The following CFAP65 variants were observed in gnomAD, a reference collection of about 807,000 sequenced individuals.
CFAP65 encodes cilia- and flagella-associated protein 65.
CFAP65 carries 155 observed loss-of-function variants against 208.0 expected under a neutral mutation model. That is an observed-to-expected ratio of 0.75 (90% CI 0.65 to 0.85). The LOEUF (loss-of-function observed/expected upper bound fraction) is 0.85, where lower values mean the gene tolerates loss of function less well. Ranked by LOEUF, CFAP65 falls within the 40% of genes least tolerant of loss-of-function variation. The pLI, the probability that CFAP65 is intolerant of heterozygous loss-of-function variation, is 0.00. For synonymous variants in CFAP65, 970 were observed against 986.3 expected (o/e 0.98, Z 0.31); for missense variants, 2,294 against 2,451.3 (o/e 0.94, Z 1.36).
At chr2:219,006,638 T>C in intron 29 of CFAP65, 129 bp from the exon 30 acceptor site, 5 of 837,602 alleles carry the variant, frequency 6.0e-6, no homozygotes, top group Non-Finnish European at 9.9e-6. Context: ...GTTTGAGACC[T>C]GCCTGGCCAA....
intron 3 of CFAP65, 41 bp from the exon 4 acceptor site, chr2:219,038,619 G>T (rs112353063): frequency 2.6e-6 from 4 of 1,552,914 alleles, no homozygotes; most frequent in Non-Finnish European, 3.5e-6. Context: ...GGAGTGACAT[G>T]AGAAAGAGAG....
chr2:219,035,242 ACTTC>A (rs1219989119), intron 5 of CFAP65: 2 of 1,367,260 alleles, frequency 1.5e-6, no homozygotes, highest in Non-Finnish European at 1.9e-6. Context: ...AACAGCCCAA[ACTTC>A]CTTCATTCTG....
At chr2:219,034,271 G>A (rs1020668829) in intron 5 of CFAP65, 8 of 152,162 alleles carry the variant, frequency 5.3e-5, no homozygotes, top group African/African-American at 1.7e-4. Flanking sequence ...GAATATTTAT[G>A]TAAGAGATCA....
chr2:219,009,442 T>A lies in CFAP65; in HGVS notation c.4471A>T (p.Ile1491Leu). The change falls in exon 28 of 35, where the codon ATA becomes TTA. Residue 1491 changes from isoleucine to leucine, a missense_variant. By Grantham distance (5) the Ile-to-Leu change is conservative. Transcript: ENST00000341552. Reference sequence around the variant, plus strand: ...GTCTCTTCAGGAGCCACCACCCCTATCATGGGACTCACAGACACCTGTTGA... The same window carrying A: ...GTCTCTTCAGGAGCCACCACCCCTAACATGGGACTCACAGACACCTGTTGA... ...DFGEVSVSPM[I>L]GVVAPEETVP... 1 of 1,612,078 alleles carries A rather than the reference T, an allele frequency of 6.2e-7. No homozygotes were observed. The highest frequency in any genetic ancestry group is 1.1e-5 in the South Asian group (1 of 91,060).
chr2:219,014,082 C>A, intron 21 of CFAP65, 38 bp from the exon 22 acceptor site: 1 of 1,549,272 alleles, frequency 6.5e-7, no homozygotes, highest in South Asian at 1.2e-5. Flanking sequence ...AGAAACTGGT[C>A]AGGCAGAACA....
At chr2:219,010,116 A>G (rs773444301) in intron 26 of CFAP65, 31 bp from the exon 27 acceptor site, 6 of 1,552,830 alleles carry the variant, frequency 3.9e-6, no homozygotes, top group Admixed American at 1.9e-5. Context: ...TAAAGAAATA[A>G]GAACCGGCCA....
chr2:219,031,411 G>A lies in CFAP65; in HGVS notation c.815+78C>T. 6.2e-7 allele frequency: 1 copy of A among 1,610,492 alleles called. No homozygotes were observed. The highest frequency in any genetic ancestry group is 8.5e-7 in the Non-Finnish European group (1 of 1,177,710). ...CTCAGACTACCCTACCCCGACAAGG[G>A]TATGCCTGTCTCTCCTGCTTCCAGA... On this transcript the variant is annotated intron_variant, in intron 7 of 34. Transcript: ENST00000341552. The surrounding 1 kb of genome is among the most constrained non-coding windows in gnomAD (Gnocchi z 5.2).
intron 19 of CFAP65, 53 bp from the exon 20 acceptor site, chr2:219,019,772 G>C: frequency 6.6e-7 from 1 of 1,514,690 alleles, no homozygotes. Flanking sequence ...ACCTTCCCTG[G>C]AGGGGGCATG....
In CFAP65 at chr2:219,023,210, T is replaced by A; in HGVS notation, c.2817A>T (p.Arg939Ser). 6.2e-7 allele frequency: 1 copy of A among 1,611,128 alleles called. No individual in the cohort carries two copies. Among genetic ancestry groups the A allele is most frequent in the East Asian group, 2.2e-5 (1 of 44,854 alleles). Residue 939 changes from arginine to serine, a missense_variant, in exon 16 of 35, where the codon AGA (arginine) becomes AGT (serine). By Grantham distance (110) the Arg-to-Ser change is moderately radical. Coordinates refer to ENST00000341552, the MANE Select transcript of CFAP65 (RefSeq NM_194302.4). ...PSRGLIQPNE[R>S]LTLTWTFSPL... The stretch of plus-strand genomic sequence containing the variant: ...CGGCAGGAGGGGAGCCACTCACAAG[T>A]CTCTCGTTGGGCTGGATTAGCCCCC...
intron 15 of CFAP65, 151 bp downstream of exon 15, chr2:219,023,864 A>G: frequency 1.0e-6 from 1 of 974,146 alleles, no homozygotes. Flanking sequence ...AGAAGTGGTC[A>G]AGCAGGTTCT....
At chr2:219,036,319 C>T (rs1163622213) in intron 4 of CFAP65, among the ~76,000 whole-genome samples, 1 of 152,168 alleles carries the variant, frequency 6.6e-6, no homozygotes, top group Non-Finnish European at 1.5e-5. Context: ...TCCATCACCC[C>T]TTTCTAGATG....
rs1397868263 is a variant in CFAP65 at position 219,041,485 on chromosome 2, T to C, written c.-49+3A>G. On this transcript the variant is annotated splice_donor_region_variant and intron_variant, in intron 1 of 34. Transcript: ENST00000341552. ...GACCTTGGGACTAACGCTCAGAACT[T>C]ACATCGCCTCCATATTGCCGTCTCC... is the stretch of plus-strand genomic sequence containing the variant. 3 of 1,550,526 alleles carry C rather than the reference T, an allele frequency of 1.9e-6. No individual in the cohort carries two copies. Among genetic ancestry groups the C allele is most frequent in the Non-Finnish European group, 2.6e-6 (3 of 1,146,982 alleles).
Position 219,027,839 on chromosome 2 carries a change from CA to C in CFAP65, c.2021del (p.Leu674ArgfsTer3). The stretch of plus-strand genomic sequence containing the variant: ...TGCCCTTGGTGTGGTTCATCAGGCA[CA>C]GGGGTACAGGGTTGGGGGCCTCAGG... ...PGPEAPNPVP[L>X]CLMNHTKGKI... is the part of the protein sequence containing the mutation. On this transcript the variant is annotated frameshift_variant, in exon 13 of 35. Coordinates refer to ENST00000341552, the MANE Select transcript of CFAP65 (RefSeq NM_194302.4). LOFTEE classifies it high-confidence loss of function. 6.3e-7 allele frequency: 1 copy of C among 1,596,730 alleles called. No homozygotes were observed. Among genetic ancestry groups the C allele is most frequent in the Non-Finnish European group, 8.6e-7 (1 of 1,169,586 alleles).
intron 4 of CFAP65, among the ~76,000 whole-genome samples, 196 bp downstream of exon 4, chr2:219,038,179 C>T (rs1283196201): frequency 1.3e-5 from 2 of 152,108 alleles, no homozygotes; most frequent in African/African-American, 4.8e-5. Context: ...TGAGTGTGTT[C>T]GATGGCCAAT....
At chr2:219,022,667 C>T (rs957909144) in intron 16 of CFAP65, among the ~76,000 whole-genome samples, 2 of 152,224 alleles carry the variant, frequency 1.3e-5, no homozygotes, top group African/African-American at 2.4e-5. Context: ...GCCTCTTGTC[C>T]CCCCGAGGGG....
chr2:219,004,060 G>A lies in CFAP65; in HGVS notation c.5447C>T (p.Pro1816Leu), dbSNP rs956133675. The A allele has an allele frequency of 1.2e-6, 2 of 1,613,828 alleles. No individual in the cohort carries two copies. The highest frequency in any genetic ancestry group is 1.7e-6 in the Non-Finnish European group (2 of 1,180,018). ...CTCCTGGGACTCAGGCTGTGGTGTG[G>A]GCCCGATGCCCGCCCAGCTCACTTT... ...EEKVSWAGIG[P>L]TPQPESQESM... Residue 1816 changes from proline to leucine, a missense_variant, in exon 33 of 35, where the codon CCC becomes CTC. Pro to Leu is a moderately conservative substitution (Grantham distance 98). This residue lies in a region of CFAP65 where 1,427 missense variants were observed against 1,438.7 expected (regional missense o/e 0.99). Coordinates refer to ENST00000341552, the MANE Select transcript of CFAP65 (RefSeq NM_194302.4). This position sits in a 1 kb window ranked among gnomAD's most constrained non-coding sequence, Gnocchi z 4.7.
intron 4 of CFAP65, among the ~76,000 whole-genome samples, chr2:219,037,249 G>A (rs1056862388): frequency 2.6e-5 from 4 of 152,088 alleles, no homozygotes; most frequent in Non-Finnish European, 4.4e-5. Context: ...AAAATTAGCC[G>A]GGCATGGTAG....
rs1947990505 is a variant in CFAP65, at chr2:219,031,084, A to G, written c.1015+22T>C. Reference sequence around the variant, plus strand: ...AGGTGCAGGAGGGGCCAGTCTGGGGACGGTGGGAGGTTGGGCCTCACCCAC... The same window carrying G: ...AGGTGCAGGAGGGGCCAGTCTGGGGGCGGTGGGAGGTTGGGCCTCACCCAC... On this transcript the variant is annotated intron_variant, in intron 8 of 34. Transcript: ENST00000341552. This position sits in a 1 kb window ranked among gnomAD's most constrained non-coding sequence, Gnocchi z 5.2. 6.4e-7 allele frequency: 1 copy of G among 1,565,354 alleles called. No individual in the cohort carries two copies. Among genetic ancestry groups the G allele is most frequent in the Admixed American group, 1.9e-5 (1 of 52,504 alleles).
chr2:219,036,836 C>T (rs1423619915), intron 4 of CFAP65, among the ~76,000 whole-genome samples: 1 of 152,108 alleles, frequency 6.6e-6, no homozygotes. Context: ...TTTTTGAGTA[C>T]CTATCATGCA....
Sources: allele counts gnomAD v4.1 joint callset (sites outside exome capture counted in the v4.1 genomes callset), GRCh38; gene constraint gnomAD v4.1.1; regional missense constraint gnomAD v4.1.1; non-coding constraint Gnocchi (gnomAD v3.1); transcripts MANE v1.5; gene names NCBI Gene and HGNC (gene_info 2026-07-23, HGNC 2026-07-21).